The following FBN2 variants were observed in gnomAD, a reference collection of about 807,000 sequenced individuals.
FBN2 encodes the protein fibrillin 2, also known as fibrillin-2.
A neutral mutation model predicts 355.6 loss-of-function variants in FBN2; 105 were observed. The observed-to-expected ratio is 0.30, with a 90% CI of 0.25 to 0.35. FBN2 has a LOEUF of 0.35. FBN2 is among the 10% of genes least tolerant of loss of function. The pLI is 1.00. For synonymous variants in FBN2, 1,350 were observed against 1,301.2 expected (o/e 1.04, Z -0.81); for missense variants, 3,280 against 3,758.7 (o/e 0.87, Z 3.33).
At chr5:128,520,289 T>C (rs1466390716) in intron 4 of FBN2, among the ~76,000 whole-genome samples, 1 of 152,168 alleles carries the variant, frequency 6.6e-6, no homozygotes, top group Admixed American at 6.5e-5. Context: ...AACCTAAGTA[T>C]TCCCATGATC....
chr5:128,279,046 T>G (rs1023293555), intron 56 of FBN2, among the ~76,000 whole-genome samples: 1 of 152,210 alleles, frequency 6.6e-6, no homozygotes, highest in Non-Finnish European at 1.5e-5. Flanking sequence ...TGACAAAAAG[T>G]GATACTATAC....
intron 4 of FBN2, among the ~76,000 whole-genome samples, chr5:128,523,670 C>T (rs564816326): frequency 5.3e-5 from 8 of 152,198 alleles, no homozygotes; most frequent in Middle Eastern, 3.4e-3. Flanking sequence ...CCACTCCTTA[C>T]CCAACCCACT....
At chr5:128,521,543 A>G (rs1756434764) in intron 4 of FBN2, among the ~76,000 whole-genome samples, 1 of 152,258 alleles carries the variant, frequency 6.6e-6, no homozygotes, top group South Asian at 2.1e-4. Flanking sequence ...ATTTTTAAAA[A>G]AGAAAGATTT....
At chr5:128,367,879 T>A (rs113285686) in intron 16 of FBN2, among the ~76,000 whole-genome samples, 3,827 of 151,802 alleles carry the variant, frequency 0.025, 148 homozygotes, top group African/African-American at 0.086. Context: ...CTTTTTTTTT[T>A]AAAAAAAGTC....
In FBN2 at chr5:128,303,070, C is replaced by T. The variant is rs1749764290; in HGVS notation, c.5820G>A (p.Arg1940=). 1.2e-6 allele frequency: 2 copies of T among 1,606,010 alleles called. No homozygotes were observed. The highest frequency in any genetic ancestry group is 4.5e-5 in the East Asian group (2 of 44,788). The change falls in exon 46 of 65, where the codon CGG becomes CGA. Residue 1940 remains arginine (R), a synonymous_variant. Transcript: ENST00000262464. ...TMCMDVDECE[R]HPCGNGTCKN... The stretch of plus-strand genomic sequence containing the variant: ...TACAAGTTCCATTTCCACATGGATG[C>T]CGCTCGCACTCATCAACATCTATAA...
At chr5:128,403,621 T>C (rs1194171022) in intron 8 of FBN2, among the ~76,000 whole-genome samples, 3 of 151,628 alleles carry the variant, frequency 2.0e-5, no homozygotes, top group African/African-American at 7.2e-5. Context: ...CCATGACAGT[T>C]ACTTCCAAAA....
intron 3 of FBN2, 21 bp downstream of exon 3, chr5:128,530,574 G>C (rs368159408): frequency 5.4e-5 from 82 of 1,530,430 alleles, no homozygotes; most frequent in Non-Finnish European, 7.4e-5. Flanking sequence ...GCAGTGAAAA[G>C]GCCACAAGTA....
chr5:128,501,750 A>G (rs906451795), intron 5 of FBN2, among the ~76,000 whole-genome samples: 4 of 152,190 alleles, frequency 2.6e-5, no homozygotes, highest in African/African-American at 9.6e-5. Context: ...AAAGTAAGAT[A>G]TCTTATATGA....
chr5:128,506,391 C>A (rs1047759966), intron 5 of FBN2, among the ~76,000 whole-genome samples: 4 of 152,080 alleles, frequency 2.6e-5, no homozygotes, highest in African/African-American at 9.7e-5. Flanking sequence ...GCATCTTTTG[C>A]AGAATTATCC....
intron 37 of FBN2, 82 bp from the exon 38 acceptor site, chr5:128,312,035 G>T: frequency 1.1e-6 from 1 of 918,162 alleles, no homozygotes; most frequent in Non-Finnish European, 1.8e-6. Flanking sequence ...GCAAATGACA[G>T]GCTCAATATA....
chr5:128,448,052 A>C (rs1754122264), intron 6 of FBN2, among the ~76,000 whole-genome samples: 1 of 152,174 alleles, frequency 6.6e-6, no homozygotes, highest in South Asian at 2.1e-4. Flanking sequence ...TGGTACAGTG[A>C]ATGTCTCCAC....
chr5:128,333,508 ACATGAT>A (rs1287570457), intron 31 of FBN2, among the ~76,000 whole-genome samples: 1 of 152,220 alleles, frequency 6.6e-6, no homozygotes. Context: ...CTTTAAAATT[ACATGAT>A]CATTTGTCAT....
At chr5:128,309,822 GT>G (rs1749984138) in intron 40 of FBN2, among the ~76,000 whole-genome samples, 160 bp downstream of exon 40, 1 of 152,014 alleles carries the variant, frequency 6.6e-6, no homozygotes, top group African/African-American at 2.4e-5. Context: ...ATACCCAAAG[GT>G]CAAAAACTTG....
chr5:128,422,032 G>A (rs973398350), intron 7 of FBN2, among the ~76,000 whole-genome samples: 29 of 152,162 alleles, frequency 1.9e-4, no homozygotes, highest in African/African-American at 6.8e-4. Flanking sequence ...TGGCTTTAAA[G>A]ATGGAAGAGG....
intron 6 of FBN2, among the ~76,000 whole-genome samples, chr5:128,458,862 G>A (rs1754479766): frequency 2.0e-5 from 3 of 151,878 alleles, no homozygotes; most frequent in Non-Finnish European, 2.9e-5. Context: ...ATCTCAAATC[G>A]ACACCCTAAC....
At chr5:128,283,245 TTA>T (rs1014780324) in intron 55 of FBN2, among the ~76,000 whole-genome samples, 2 of 152,230 alleles carry the variant, frequency 1.3e-5, no homozygotes, top group African/African-American at 4.8e-5. Flanking sequence ...AAAAACTCTC[TTA>T]TTCACCTATT....
chr5:128,353,181 A>G (rs1028807754), intron 20 of FBN2, among the ~76,000 whole-genome samples: 4 of 152,246 alleles, frequency 2.6e-5, no homozygotes, highest in Non-Finnish European at 2.9e-5. Flanking sequence ...AAAAAAAAAA[A>G]AAGTTTTTAC....
chr5:128,283,358 T>C (rs1486743500), intron 55 of FBN2, among the ~76,000 whole-genome samples: 2 of 152,222 alleles, frequency 1.3e-5, no homozygotes, highest in East Asian at 3.8e-4. Context: ...CACTGATTGT[T>C]TCCTTAATGT....
At chr5:128,338,888 G>A in intron 26 of FBN2, 45 bp downstream of exon 26, 1 of 1,607,190 alleles carries the variant, frequency 6.2e-7, no homozygotes, top group Non-Finnish European at 8.5e-7. Context: ...ATGAGTCTGT[G>A]CTAGTATGGT....
Sources: gnomAD v4.1 joint callset for allele counts (sites outside exome capture counted in the v4.1 genomes callset) on GRCh38, gnomAD v4.1.1 for gene constraint, MANE v1.5 for transcripts, NCBI Gene and HGNC (gene_info 2026-07-23, HGNC 2026-07-21) for gene names.